CRB1: variants seen among roughly 807,000 people sequenced by gnomAD.
CRB1 encodes the protein crumbs cell polarity complex component 1, also known as protein crumbs homolog 1.
Under a neutral mutation model 120.0 loss-of-function variants are expected in CRB1, and 83 were observed. The ratio of observed to expected loss-of-function variants is 0.69; its 90% CI spans 0.58 to 0.83. The LOEUF is 0.83. Among genes scored for constraint, CRB1 ranks in the 40% least tolerant of loss-of-function variants. The pLI is 0.00. For synonymous variants in CRB1, 625 were observed against 612.5 expected, an observed-to-expected ratio of 1.02 and a Z score of -0.30; for missense variants, 1,699 against 1,687.6, an observed-to-expected ratio of 1.01 and a Z score of -0.12.
At chr1:197,429,644 C>T in intron 8 of CRB1, 30 bp downstream of exon 8, 1 of 1,609,566 alleles carries the variant, frequency 6.2e-7, no homozygotes, top group Non-Finnish European at 8.5e-7. Flanking sequence ...ACCATCTCAC[C>T]AGTTAAGTTG....
chr1:197,336,464 GGTT>G (rs1354059679), intron 2 of CRB1, among the ~76,000 whole-genome samples: 1 of 151,964 alleles, frequency 6.6e-6, no homozygotes, highest in Non-Finnish European at 1.5e-5. Flanking sequence ...AAAGAAAAAT[GGTT>G]GTTTTTATAT....
chr1:197,264,253 C>T (rs1654582598), upstream of CRB1, among the ~76,000 whole-genome samples: 2 of 152,140 alleles, frequency 1.3e-5, no homozygotes, highest in South Asian at 2.1e-4. Flanking sequence ...TGAGTTGTTT[C>T]CCTTCAGATA....
At chr1:197,368,482 G>A (rs528327721) in intron 5 of CRB1, among the ~76,000 whole-genome samples, 1 of 152,198 alleles carries the variant, frequency 6.6e-6, no homozygotes, top group African/African-American at 2.4e-5. Flanking sequence ...CAATAACTAG[G>A]ACAGGTATAC....
At chr1:197,286,678 T>A (rs1046436752) in intron 1 of CRB1, among the ~76,000 whole-genome samples, 2 of 151,920 alleles carry the variant, frequency 1.3e-5, no homozygotes, top group Non-Finnish European at 2.9e-5. Flanking sequence ...AGTACTATTG[T>A]AGGCGCTTAG....
the CRB1 span, among the ~76,000 whole-genome samples, chr1:197,251,600 AC>A: frequency 1.3e-5 from 2 of 152,060 alleles, no homozygotes; most frequent in Non-Finnish European, 2.9e-5. Flanking sequence ...GGCAAATGAA[AC>A]CACTTTCTCC....
In CRB1 at chr1:197,421,407, A is replaced by G; in HGVS notation, c.1579A>G (p.Ser527Gly). The G allele has an allele frequency of 6.2e-7, 1 of 1,614,208 alleles. No homozygotes were observed. The highest frequency in any genetic ancestry group is 8.5e-7 in the Non-Finnish European group (1 of 1,180,044). Residue 527 changes from serine to glycine, a missense_variant, in exon 6 of 12, where the codon AGC (serine) becomes GGC (glycine). Transcript: ENST00000367400. ...VQPMALLLFR[S>G]NRDVFVKLEL... ...GCCAATGGCTCTTCTACTTTTCCGA[A>G]GCAACAGGGATGTGTTTGTGAAGCT... is the stretch of plus-strand genomic sequence containing the variant.
chr1:197,442,377 G>A lies in CRB1; in HGVS notation c.4005+85G>A, dbSNP rs528089281. 194 of 1,609,088 alleles carry A rather than the reference G, an allele frequency of 1.2e-4. 5 individuals are homozygous for A. In the South Asian group the frequency reaches 1.9e-3, roughly 16 times the overall value. On this transcript the variant is annotated intron_variant, in intron 11 of 11. Coordinates refer to ENST00000367400, the MANE Select transcript of CRB1 (RefSeq NM_201253.3). ...TTCTTACCTCATTTTGCGTATGAATGACGAGCCAGTTGTTGAGTGGGGTGA... is the reference window on the plus strand; with the variant it reads ...TTCTTACCTCATTTTGCGTATGAATAACGAGCCAGTTGTTGAGTGGGGTGA...
chr1:197,462,258 G>A (rs142273860), intron 11 of CRB1, among the ~76,000 whole-genome samples: 2 of 152,118 alleles, frequency 1.3e-5, no homozygotes, highest in East Asian at 1.9e-4. Flanking sequence ...TCATCAATTG[G>A]CATTTATTGA....
At chr1:197,442,899 C>T (rs4915545) in intron 11 of CRB1, 64,042 of 160,810 alleles carry the variant, frequency 0.4, 15,198 homozygotes, top group East Asian at 0.66. Context: ...CTGAAGTGGG[C>T]GGAACACCTG....
At chr1:197,380,755 C>T (rs1661911864) in intron 5 of CRB1, among the ~76,000 whole-genome samples, 1 of 152,196 alleles carries the variant, frequency 6.6e-6, no homozygotes, top group African/African-American at 2.4e-5. Context: ...TCCTGATCAT[C>T]TGAAGCCTTT....
intron 5 of CRB1, among the ~76,000 whole-genome samples, chr1:197,418,995 T>C (rs7522325): frequency 0.26 from 39,753 of 152,144 alleles, 5,534 homozygotes; most frequent in Middle Eastern, 0.39. Context: ...AGGGTAATTC[T>C]TTCCTACTAC....
intron 11 of CRB1, among the ~76,000 whole-genome samples, chr1:197,451,531 A>C (rs544901144): frequency 2.0e-5 from 3 of 152,314 alleles, no homozygotes; most frequent in African/African-American, 7.2e-5. Flanking sequence ...AAATGCATTG[A>C]TTTATTATGC....
chr1:197,423,821 A>G (rs1277142984), intron 6 of CRB1, among the ~76,000 whole-genome samples: 1 of 152,228 alleles, frequency 6.6e-6, no homozygotes, highest in African/African-American at 2.4e-5. Flanking sequence ...CAAAAGACAT[A>G]GTGATTTCCA....
At chr1:197,333,034 A>G (rs1232766908) in intron 2 of CRB1, among the ~76,000 whole-genome samples, 1 of 152,202 alleles carries the variant, frequency 6.6e-6, no homozygotes, top group African/African-American at 2.4e-5. Flanking sequence ...CTGTATTACA[A>G]TGACCTAGCT....
At chr1:197,400,277 T>A (rs1269043434) in intron 5 of CRB1, among the ~76,000 whole-genome samples, 8 of 150,824 alleles carry the variant, frequency 5.3e-5, no homozygotes, top group Non-Finnish European at 1.2e-4. Flanking sequence ...GCCATAAAAG[T>A]AGGGTCAGAG....
chr1:197,287,275 A>G (rs896972249), intron 1 of CRB1, among the ~76,000 whole-genome samples: 1 of 151,866 alleles, frequency 6.6e-6, no homozygotes, highest in Non-Finnish European at 1.5e-5. Context: ...AAATAGTTTC[A>G]CCTACTGTAA....
intron 11 of CRB1, among the ~76,000 whole-genome samples, chr1:197,468,458 G>A (rs937751875): frequency 6.6e-6 from 1 of 151,850 alleles, no homozygotes. Flanking sequence ...AAAAATGAAT[G>A]AATGAATTTC....
chr1:197,212,644 A>G, the CRB1 span, among the ~76,000 whole-genome samples: 2 of 152,180 alleles, frequency 1.3e-5, no homozygotes, highest in Non-Finnish European at 2.9e-5. Flanking sequence ...AAAGGGCACA[A>G]GAAAACTTTT....
At chr1:197,236,900 A>C in the CRB1 span, among the ~76,000 whole-genome samples, 1 of 152,190 alleles carries the variant, frequency 6.6e-6, no homozygotes, top group African/African-American at 2.4e-5. Flanking sequence ...CTTTTTTAAA[A>C]TAATTTTTAA....
Sources: gnomAD v4.1 joint callset for allele counts (sites outside exome capture counted in the v4.1 genomes callset) on GRCh38, gnomAD v4.1.1 for gene constraint, MANE v1.5 for transcripts, NCBI Gene and HGNC (gene_info 2026-07-23, HGNC 2026-07-21) for gene names.